Variants in LATS1 observed in about 807,000 individuals in gnomAD.
LATS1 encodes serine/threonine-protein kinase LATS1.
Under a neutral mutation model 106.6 loss-of-function variants are expected in LATS1, and 25 were observed. The ratio of observed to expected loss-of-function variants is 0.23; its 90% CI spans 0.17 to 0.33. LATS1 has a LOEUF of 0.33. Ranked by LOEUF, LATS1 falls within the 10% of genes least tolerant of loss-of-function variation. LATS1 has a pLI of 1.00. For missense variants in LATS1, 1,040 were observed against 1,382.6 expected (o/e 0.75, Z 3.93); for synonymous variants, 465 against 455.6 (o/e 1.02, Z -0.26).
In LATS1 at chr6:149,661,698, C is replaced by T; in HGVS notation, c.*31G>A. Reference sequence around the variant, plus strand: ...ACACCTCGCATTTCAGGCCCTTTTACAAATCCTCATTACATTTATTTACTA... The same window carrying T: ...ACACCTCGCATTTCAGGCCCTTTTATAAATCCTCATTACATTTATTTACTA... On this transcript the variant is annotated 3_prime_UTR_variant, in exon 8 of 8. Coordinates refer to ENST00000543571, the MANE Select transcript of LATS1 (RefSeq NM_004690.4). The T allele has an allele frequency of 6.6e-7, 1 of 1,515,348 alleles. No homozygotes were observed. The highest frequency in any genetic ancestry group is 1.4e-5 in the African/African-American group (1 of 71,762). 93.9% of individuals were successfully genotyped at this position (1,515,348 alleles called of 1,614,324 possible).
intron 7 of LATS1, among the ~76,000 whole-genome samples, chr6:149,673,102 T>TC (rs990780910): frequency 5.4e-5 from 8 of 147,676 alleles, no homozygotes; most frequent in Non-Finnish European, 3.0e-5. Flanking sequence ...TTTTCTTTTT[T>TC]TTTTTTTTTT....
chr6:149,689,573 T>C (rs190868092), intron 3 of LATS1, among the ~76,000 whole-genome samples: 3 of 152,334 alleles, frequency 2.0e-5, no homozygotes, highest in Admixed American at 6.5e-5. Flanking sequence ...CTGATTTTAC[T>C]ATAATTCAAG....
chr6:149,673,457 T>C (rs779527515), intron 7 of LATS1, among the ~76,000 whole-genome samples: 17 of 151,866 alleles, frequency 1.1e-4, no homozygotes, highest in Non-Finnish European at 1.9e-4. Context: ...ATAGAATTGA[T>C]GAGAATGGAC....
intron 1 of LATS1, among the ~76,000 whole-genome samples, chr6:149,708,949 CAA>C (rs1783941638): frequency 6.6e-6 from 1 of 152,146 alleles, no homozygotes; most frequent in East Asian, 1.9e-4. Flanking sequence ...TTGTGCTTGG[CAA>C]AGATTCAAAG....
chr6:149,688,525 G>T (rs940328375), intron 3 of LATS1, among the ~76,000 whole-genome samples: 7 of 151,650 alleles, frequency 4.6e-5, no homozygotes, highest in African/African-American at 1.7e-4. Context: ...GGCCAGGCTG[G>T]TCTTGAATTC....
At chr6:149,708,476 G>A (rs557532351) in intron 1 of LATS1, among the ~76,000 whole-genome samples, 2 of 151,316 alleles carry the variant, frequency 1.3e-5, no homozygotes, top group African/African-American at 4.9e-5. Flanking sequence ...TCTCAAAAAC[G>A]CTGAAATGGA....
intron 7 of LATS1, among the ~76,000 whole-genome samples, chr6:149,673,284 G>A (rs898854648): frequency 1.3e-5 from 2 of 151,302 alleles, no homozygotes; most frequent in African/African-American, 4.9e-5. Flanking sequence ...TTTTTTTGTA[G>A]AGACACGGTT....
chr6:149,710,593 CCTGCCTTAGTGATA>C (rs1407866915), intron 1 of LATS1, among the ~76,000 whole-genome samples: 3 of 152,144 alleles, frequency 2.0e-5, no homozygotes, highest in Non-Finnish European at 2.9e-5. Context: ...CCTATGCAGT[CCTGCCTTAGTGATA>C]CTGCCTTAGT....
intron 3 of LATS1, among the ~76,000 whole-genome samples, chr6:149,687,144 G>A (rs1044915251): frequency 4.6e-5 from 7 of 151,162 alleles, no homozygotes; most frequent in South Asian, 2.1e-4. Context: ...AGGCTGGAGC[G>A]CGGTGGCATG....
intron 7 of LATS1, among the ~76,000 whole-genome samples, chr6:149,673,832 G>A (rs1781568040): frequency 6.6e-6 from 1 of 151,344 alleles, no homozygotes; most frequent in Admixed American, 6.6e-5. Flanking sequence ...CAGCCACCAT[G>A]CACGGCTAAT....
At chr6:149,680,965 C>T (rs1782004853) in intron 4 of LATS1, among the ~76,000 whole-genome samples, 1 of 151,950 alleles carries the variant, frequency 6.6e-6, no homozygotes, top group Non-Finnish European at 1.5e-5. Context: ...CTTTTCTAAC[C>T]CACCAATCCT....
intron 7 of LATS1, among the ~76,000 whole-genome samples, chr6:149,673,088 TTTC>T (rs1236503001): frequency 2.9e-5 from 4 of 137,046 alleles, no homozygotes; most frequent in Middle Eastern, 3.6e-3. Flanking sequence ...TTCCTTTTCT[TTTC>T]TTTTCTTTTT....
intron 7 of LATS1, among the ~76,000 whole-genome samples, chr6:149,672,663 T>C (rs1304239689): frequency 6.6e-6 from 1 of 151,286 alleles, no homozygotes; most frequent in Admixed American, 6.6e-5. Flanking sequence ...AGATGGATTT[T>C]GGCCGGGCGC....
chr6:149,692,052 C>T (rs1782789365), intron 3 of LATS1, among the ~76,000 whole-genome samples: 1 of 152,190 alleles, frequency 6.6e-6, no homozygotes. Context: ...TTTCCTATCA[C>T]ACCTGTCCTC....
At chr6:149,714,572 A>C (rs1784284042) in intron 1 of LATS1, among the ~76,000 whole-genome samples, 2 of 152,244 alleles carry the variant, frequency 1.3e-5, no homozygotes, top group South Asian at 2.1e-4. Flanking sequence ...TCTTCAGAAG[A>C]AGCTGTTTAA....
chr6:149,662,966 C>CAAAA (rs61479102), intron 7 of LATS1, among the ~76,000 whole-genome samples: 5 of 96,236 alleles, frequency 5.2e-5, no homozygotes, highest in African/African-American at 1.2e-4. Context: ...ACACTGTCTC[C>CAAAA]AAAAAAAAAA....
chr6:149,702,663 ATTTTTATT>A (rs1024887727), intron 1 of LATS1, among the ~76,000 whole-genome samples: 3 of 151,862 alleles, frequency 2.0e-5, no homozygotes, highest in Admixed American at 1.3e-4. Context: ...CTTTAAATTT[ATTTTTATT>A]TTTTTATTTT....
intron 3 of LATS1, among the ~76,000 whole-genome samples, chr6:149,694,674 C>A (rs1237965993): frequency 6.6e-6 from 1 of 151,726 alleles, no homozygotes; most frequent in Non-Finnish European, 1.5e-5. Context: ...CAAAATACAC[C>A]AAAATATTGT....
At position 149,661,074 on chromosome 6, in the gene LATS1, C is replaced by T. The variant is rs1780863942; in HGVS notation, c.*655G>A. On this transcript the variant is annotated 3_prime_UTR_variant, in exon 8 of 8. Coordinates refer to ENST00000543571, the MANE Select transcript of LATS1 (RefSeq NM_004690.4). Reference sequence around the variant, plus strand: ...GCCAGTAATTCTTGAGAAATAAATGCAAGAAGATTAAATAGATTAAATATT... The same window carrying T: ...GCCAGTAATTCTTGAGAAATAAATGTAAGAAGATTAAATAGATTAAATATT... The T allele has an allele frequency of 5.9e-6, 1 of 168,632 alleles. No homozygotes were observed. The highest frequency in any genetic ancestry group is 1.1e-5 in the Non-Finnish European group (1 of 92,834). 10.4% of individuals were successfully genotyped at this position (168,632 alleles called of 1,614,324 possible).
Sources: allele counts gnomAD v4.1 joint callset (sites outside exome capture counted in the v4.1 genomes callset), GRCh38; gene constraint gnomAD v4.1.1; transcripts MANE v1.5; gene names NCBI Gene and HGNC (gene_info 2026-07-23, HGNC 2026-07-21).